Variants in GPHN observed in about 807,000 individuals in gnomAD.
GPHN encodes the protein gephyrin.
Under a neutral mutation model 95.5 loss-of-function variants are expected in GPHN, and 17 were observed. The ratio of observed to expected loss-of-function variants is 0.18; its 90% CI spans 0.12 to 0.27. The LOEUF is 0.27. Among genes scored for constraint, GPHN ranks in the 10% least tolerant of loss-of-function variants. The pLI, the probability that GPHN is intolerant of heterozygous loss-of-function variation, is 1.00. For missense variants in GPHN, 660 were observed against 978.1 expected (o/e 0.67, Z 4.34); for synonymous variants, 320 against 322.5 (o/e 0.99, Z 0.08).
the GPHN span, chr14:67,198,299 G>T: frequency 6.2e-7 from 1 of 1,613,542 alleles, no homozygotes; most frequent in Non-Finnish European, 8.5e-7. Flanking sequence ...CTCCTCCCAT[G>T]TTAGAGAGCA....
At chr14:67,537,366 A>ATAATAATAATAT in the GPHN span, among the ~76,000 whole-genome samples, 12 of 138,824 alleles carry the variant, frequency 8.6e-5, no homozygotes, top group Admixed American at 8.0e-4. Flanking sequence ...AATAATAATA[A>ATAATAATAATAT]TAATAATAAT....
chr14:66,634,262 A>G (rs565961825), intron 1 of GPHN, among the ~76,000 whole-genome samples: 2 of 151,210 alleles, frequency 1.3e-5, no homozygotes, highest in East Asian at 3.9e-4. Flanking sequence ...TTCTGTAAGG[A>G]AAGACTTTTT....
At chr14:67,513,044 C>T in the GPHN span, among the ~76,000 whole-genome samples, 1 of 152,178 alleles carries the variant, frequency 6.6e-6, no homozygotes, top group South Asian at 2.1e-4. Flanking sequence ...ATCTTTCATT[C>T]AAGGACTTGA....
the GPHN span, among the ~76,000 whole-genome samples, chr14:67,448,672 C>G: frequency 1.3e-5 from 2 of 152,024 alleles, no homozygotes; most frequent in African/African-American, 4.8e-5. Context: ...AGGGAGACTA[C>G]AGACAATAAT....
intron 9 of GPHN, among the ~76,000 whole-genome samples, chr14:67,016,219 T>C (rs1309095791): frequency 6.6e-6 from 1 of 152,086 alleles, no homozygotes; most frequent in African/African-American, 2.4e-5. Context: ...GGTCAAAGCC[T>C]ACAGATATTT....
At chr14:66,932,057 A>G (rs1419656278) in intron 8 of GPHN, among the ~76,000 whole-genome samples, 1 of 152,184 alleles carries the variant, frequency 6.6e-6, no homozygotes, top group Non-Finnish European at 1.5e-5. Context: ...CACTGAGGCC[A>G]TATGTGCATT....
chr14:67,375,232 CTGTGTGTGTG>C, the GPHN span, among the ~76,000 whole-genome samples: 11,241 of 137,610 alleles, frequency 0.082, 719 homozygotes, highest in African/African-American at 0.18. Context: ...ATCCTCAGTT[CTGTGTGTGTG>C]TGTGTGTGTG....
chr14:67,582,160 T>C, the GPHN span: 14 of 1,580,350 alleles, frequency 8.9e-6, no homozygotes, highest in South Asian at 1.4e-4. This position sits in a 1 kb window ranked among gnomAD's most constrained non-coding sequence, Gnocchi z 5.0. Context: ...GGCAGGGAGG[T>C]TTCCTATCAA....
chr14:67,402,063 G>A, the GPHN span, among the ~76,000 whole-genome samples: 6 of 152,148 alleles, frequency 3.9e-5, no homozygotes, highest in Non-Finnish European at 7.4e-5. Context: ...CTCAGGAGGC[G>A]GAGTTTGCAG....
At chr14:67,097,879 A>G (rs1210435503) in intron 12 of GPHN, among the ~76,000 whole-genome samples, 1 of 152,220 alleles carries the variant, frequency 6.6e-6, no homozygotes, top group Non-Finnish European at 1.5e-5. Context: ...CACATATATA[A>G]CATATACAGT....
At chr14:67,139,651 C>T (rs2080331450) in intron 17 of GPHN, among the ~76,000 whole-genome samples, 1 of 152,120 alleles carries the variant, frequency 6.6e-6, no homozygotes, top group Non-Finnish European at 1.5e-5. Context: ...GTCTAGCATA[C>T]AGATTTGTTG....
intron 1 of GPHN, among the ~76,000 whole-genome samples, chr14:66,576,746 C>T (rs964170587): frequency 6.6e-5 from 10 of 152,068 alleles, no homozygotes; most frequent in Admixed American, 5.2e-4. Flanking sequence ...TTTATGTAAT[C>T]AAGACTATTA....
chr14:67,729,572 C>T, the GPHN span: 1 of 653,122 alleles, frequency 1.5e-6, no homozygotes, highest in Non-Finnish European at 2.7e-6. Context: ...GGAAGAGTTG[C>T]TTTTCTGGCT....
intron 2 of GPHN, among the ~76,000 whole-genome samples, chr14:66,739,749 C>A (rs2072633688): frequency 6.6e-6 from 1 of 151,902 alleles, no homozygotes; most frequent in South Asian, 2.1e-4. Context: ...GAATAAGAAT[C>A]ATCAGAAACA....
At chr14:67,260,979 T>C in the GPHN span, among the ~76,000 whole-genome samples, 1 of 152,164 alleles carries the variant, frequency 6.6e-6, no homozygotes, top group Non-Finnish European at 1.5e-5. Context: ...TAAAATGCCC[T>C]GGAGTCAAGC....
At chr14:66,593,477 A>AG (rs2061844555) in intron 1 of GPHN, among the ~76,000 whole-genome samples, 2 of 152,052 alleles carry the variant, frequency 1.3e-5, no homozygotes, top group South Asian at 4.2e-4. Context: ...ATGGAAGCAA[A>AG]GGGGGAAGAG....
chr14:67,431,740 T>C, the GPHN span, among the ~76,000 whole-genome samples: 1 of 151,790 alleles, frequency 6.6e-6, no homozygotes, highest in African/African-American at 2.4e-5. Context: ...GCAAAAAAGG[T>C]TGGGGAAATG....
At chr14:67,109,411 C>A (rs906359051) in intron 13 of GPHN, among the ~76,000 whole-genome samples, 1 of 152,156 alleles carries the variant, frequency 6.6e-6, no homozygotes, top group Admixed American at 6.5e-5. Context: ...ATGAATCTTA[C>A]AGAAAAATGC....
the GPHN span, among the ~76,000 whole-genome samples, chr14:67,474,373 T>C: frequency 4.6e-5 from 7 of 152,170 alleles, no homozygotes; most frequent in Admixed American, 4.6e-4. Context: ...CCTAGAGCTT[T>C]TTTGGATTAT....
Sources: gnomAD v4.1 joint callset for allele counts (sites outside exome capture counted in the v4.1 genomes callset) on GRCh38, gnomAD v4.1.1 for gene constraint, Gnocchi (gnomAD v3.1) non-coding constraint, MANE v1.5 for transcripts, NCBI Gene and HGNC (gene_info 2026-07-23, HGNC 2026-07-21) for gene names.